PHTF2: variants seen among roughly 807,000 people sequenced by gnomAD.
PHTF2 encodes putative homeodomain transcription factor 2.
PHTF2 carries 60 observed loss-of-function variants against 101.2 expected under a neutral mutation model. The ratio of observed to expected loss-of-function variants is 0.59; its 90% CI spans 0.48 to 0.73. The LOEUF (loss-of-function observed/expected upper bound fraction) is 0.73. Ranked by LOEUF, PHTF2 falls within the 30% of genes least tolerant of loss-of-function variation. The pLI is 0.00. For missense variants in PHTF2, 747 were observed against 908.7 expected (o/e 0.82, Z 2.29); for synonymous variants, 311 against 307.3 (o/e 1.01, Z -0.13).
chr7:77,811,759 T>C lies in PHTF2; in HGVS notation c.-36+12788T>C, dbSNP rs187925110. Among the ~76,000 whole-genome samples, 7 of 152,350 alleles carry C rather than the reference T, an allele frequency of 4.6e-5. 1 individual carries two copies. The highest frequency in any genetic ancestry group is 4.6e-4 in the Admixed American group (7 of 15,304). Reference sequence around the variant, plus strand: ...GCATAAGACATTTCTCTAAGCAGTGTTGATTTCTTTTACTATGAAGTGGTA... The same window carrying C: ...GCATAAGACATTTCTCTAAGCAGTGCTGATTTCTTTTACTATGAAGTGGTA... On this transcript the variant is annotated intron_variant, in intron 1 of 19. Transcript: ENST00000416283.
At chr7:77,894,363 T>A (rs1291140311) in intron 5 of PHTF2, among the ~76,000 whole-genome samples, 1 of 152,216 alleles carries the variant, frequency 6.6e-6, no homozygotes, top group African/African-American at 2.4e-5. Context: ...CGAGCTAAAT[T>A]TAATCTGGGC....
At chr7:77,823,474 C>T (rs1223723171) in intron 1 of PHTF2, among the ~76,000 whole-genome samples, 3 of 152,342 alleles carry the variant, frequency 2.0e-5, no homozygotes, top group Non-Finnish European at 4.4e-5. Flanking sequence ...CCATCTTGGC[C>T]TACCAAAGTG....
chr7:77,941,642 A>AC (rs1805648165), intron 15 of PHTF2, among the ~76,000 whole-genome samples: 1 of 152,116 alleles, frequency 6.6e-6, no homozygotes, highest in Admixed American at 6.6e-5. Context: ...CCAATTTATC[A>AC]CCAATTCCTA....
At chr7:77,890,405 G>A (rs1042944495) in intron 3 of PHTF2, among the ~76,000 whole-genome samples, 1 of 151,736 alleles carries the variant, frequency 6.6e-6, no homozygotes, top group East Asian at 1.9e-4. Flanking sequence ...AGGATTATAG[G>A]ACATGTATCT....
At chr7:77,890,048 C>A (rs1241336448) in intron 3 of PHTF2, among the ~76,000 whole-genome samples, 1 of 141,774 alleles carries the variant, frequency 7.1e-6, no homozygotes, top group African/African-American at 2.7e-5. Flanking sequence ...ATGAGACATT[C>A]TATTAACAGT....
At chr7:77,889,170 T>C (rs566975101) in intron 3 of PHTF2, among the ~76,000 whole-genome samples, 1 of 152,314 alleles carries the variant, frequency 6.6e-6, no homozygotes, top group South Asian at 2.1e-4. Context: ...TGCCCTATAA[T>C]GATTGACAGT....
intron 18 of PHTF2, among the ~76,000 whole-genome samples, chr7:77,953,266 G>A (rs1444696210): frequency 6.6e-6 from 1 of 152,172 alleles, no homozygotes; most frequent in Non-Finnish European, 1.5e-5. Context: ...CTTCAGTTCA[G>A]GGACTGAATC....
At chr7:77,934,742 G>A (rs1042236986) in intron 12 of PHTF2, among the ~76,000 whole-genome samples, 2 of 152,134 alleles carry the variant, frequency 1.3e-5, no homozygotes, top group African/African-American at 4.8e-5. Context: ...GAGGTCAGGA[G>A]TTCGAGACCA....
At chr7:77,915,697 G>A (rs1011790510) in intron 9 of PHTF2, among the ~76,000 whole-genome samples, 1 of 152,196 alleles carries the variant, frequency 6.6e-6, no homozygotes, top group African/African-American at 2.4e-5. Flanking sequence ...TCTCGGGCCA[G>A]AGTTCTTTTC....
At chr7:77,894,522 G>A (rs1800721689) in intron 5 of PHTF2, among the ~76,000 whole-genome samples, 1 of 152,166 alleles carries the variant, frequency 6.6e-6, no homozygotes, top group South Asian at 2.1e-4. Context: ...TAAAGAGCAA[G>A]ATTCTTTCCC....
intron 1 of PHTF2, among the ~76,000 whole-genome samples, chr7:77,824,202 G>A (rs1304894194): frequency 6.6e-6 from 1 of 151,806 alleles, no homozygotes; most frequent in Non-Finnish European, 1.5e-5. Flanking sequence ...TTCTTTGTTG[G>A]AAAATTGAGC....
intron 11 of PHTF2, among the ~76,000 whole-genome samples, chr7:77,927,199 T>TAC (rs375873189): frequency 0.49 from 52,376 of 107,816 alleles, 12,328 homozygotes; most frequent in East Asian, 0.69. Flanking sequence ...TATATATACA[T>TAC]ACACACACAC....
chr7:77,919,360 T>C (rs1803233805), intron 9 of PHTF2, among the ~76,000 whole-genome samples: 1 of 152,344 alleles, frequency 6.6e-6, no homozygotes, highest in Middle Eastern at 3.4e-3. Flanking sequence ...TTTTTATTTT[T>C]CCTTACTTGC....
rs58290945 is a variant in PHTF2, at chr7:77,925,495, G to GTTTTTTTTTTTTTTTT, written c.1119+2733_1119+2748dup. Reference sequence around the variant, plus strand: ...GCAATTATAGGCAATAGTTTTTAGGGTTTTTTTTTTTTTTTTTTTTTTTTT... The same window carrying GTTTTTTTTTTTTTTTT: ...GCAATTATAGGCAATAGTTTTTAGGGTTTTTTTTTTTTTTTTTTTTTTTTTTTTTTTTTTTTTTTTT... On this transcript the variant is annotated intron_variant, in intron 11 of 19. Coordinates refer to ENST00000416283, the Ensembl canonical transcript of PHTF2. Among the ~76,000 whole-genome samples, 45 of 73,166 alleles carry GTTTTTTTTTTTTTTTT rather than the reference G, an allele frequency of 6.2e-4. 2 individuals are homozygous for GTTTTTTTTTTTTTTTT. The highest frequency in any genetic ancestry group is 2.4e-3 in the African/African-American group (42 of 17,300). The allele number at this position is 73,166 out of a possible 152,430, so 48.0% of individuals were successfully genotyped here.
intron 2 of PHTF2, among the ~76,000 whole-genome samples, chr7:77,845,673 G>A (rs1796220908): frequency 1.3e-5 from 2 of 152,186 alleles, no homozygotes; most frequent in South Asian, 2.1e-4. Flanking sequence ...GTATGTGTGT[G>A]TACTTAAGTA....
At chr7:77,935,777 AG>A (rs2150961597) in intron 12 of PHTF2, among the ~76,000 whole-genome samples, 1 of 152,258 alleles carries the variant, frequency 6.6e-6, no homozygotes, top group Admixed American at 6.5e-5. Flanking sequence ...CCAGACTGAG[AG>A]TTTAAAAATG....
At chr7:77,823,369 C>T (rs577249702) in intron 1 of PHTF2, among the ~76,000 whole-genome samples, 12 of 152,078 alleles carry the variant, frequency 7.9e-5, no homozygotes, top group Admixed American at 2.0e-4. Flanking sequence ...TACAGGCACA[C>T]GCCACCACAC....
intron 3 of PHTF2, among the ~76,000 whole-genome samples, chr7:77,870,497 A>G (rs530094932): frequency 2.4e-4 from 37 of 152,248 alleles, no homozygotes; most frequent in African/African-American, 8.7e-4. Flanking sequence ...AGGCCAGGCC[A>G]GTCTCTCTTT....
chr7:77,870,940 T>C (rs1242812311), intron 3 of PHTF2, among the ~76,000 whole-genome samples: 1 of 152,224 alleles, frequency 6.6e-6, no homozygotes, highest in Non-Finnish European at 1.5e-5. Context: ...AAAATGAAGA[T>C]ATTTTCTTAG....
Sources: gnomAD v4.1 joint callset for allele counts (sites outside exome capture counted in the v4.1 genomes callset) on GRCh38, gnomAD v4.1.1 for gene constraint, MANE v1.5 for transcripts, NCBI Gene and HGNC (gene_info 2026-07-23, HGNC 2026-07-21) for gene names.